The following OSBPL6 variants were observed in gnomAD, a reference collection of about 807,000 sequenced individuals.
The protein encoded by OSBPL6 is oxysterol binding protein like 6, also known as oxysterol-binding protein-related protein 6.
OSBPL6 carries 49 observed loss-of-function variants against 125.8 expected under a neutral mutation model. The observed-to-expected ratio is 0.39, with a 90% CI of 0.31 to 0.49. OSBPL6 has a LOEUF of 0.49. Ranked by LOEUF, OSBPL6 falls within the 20% of genes least tolerant of loss-of-function variation. The pLI is 0.88. For synonymous variants in OSBPL6, 394 were observed against 391.8 expected, an observed-to-expected ratio of 1.01 and a Z score of -0.07; for missense variants, 986 against 1,135.4, an observed-to-expected ratio of 0.87 and a Z score of 1.89.
intron 3 of OSBPL6, 28 bp downstream of exon 3, chr2:178,306,314 G>T: frequency 7.2e-7 from 1 of 1,383,900 alleles, no homozygotes. Context: ...AGTGCCTTTG[G>T]TTGTTTTATG....
intron 5 of OSBPL6, 135 bp downstream of exon 5, chr2:178,328,513 A>G (rs1179130747): frequency 1.9e-6 from 2 of 1,046,732 alleles, no homozygotes; most frequent in Non-Finnish European, 2.7e-6. Flanking sequence ...TTTGAGACAG[A>G]TTCTCACTCT....
At chr2:178,317,296 C>T (rs185270095) in intron 3 of OSBPL6, among the ~76,000 whole-genome samples, 1 of 150,802 alleles carries the variant, frequency 6.6e-6, no homozygotes, top group African/African-American at 2.4e-5. Context: ...GATATTATGC[C>T]ACATAGGAAG....
chr2:178,255,532 A>G (rs892896576), intron 1 of OSBPL6, among the ~76,000 whole-genome samples: 4 of 152,168 alleles, frequency 2.6e-5, no homozygotes, highest in Admixed American at 2.6e-4. Flanking sequence ...GACACAGCCA[A>G]ACCATATCAG....
intron 1 of OSBPL6, among the ~76,000 whole-genome samples, chr2:178,251,750 T>C (rs1197064062): frequency 6.6e-6 from 1 of 152,226 alleles, no homozygotes; most frequent in Admixed American, 6.5e-5. Context: ...ACAGTGACAG[T>C]TACCTCATAG....
intron 2 of OSBPL6, among the ~76,000 whole-genome samples, chr2:178,292,531 G>A (rs145370071): frequency 3.3e-5 from 5 of 152,250 alleles, no homozygotes; most frequent in East Asian, 3.9e-4. Context: ...AAGGTTTAAC[G>A]TTTTAGAACT....
chr2:178,388,660 A>T (rs1296001671), intron 20 of OSBPL6, among the ~76,000 whole-genome samples: 3 of 152,206 alleles, frequency 2.0e-5, no homozygotes, highest in African/African-American at 7.2e-5. Flanking sequence ...CGTTCCAGGT[A>T]GATTGAAGGA....
At chr2:178,345,931 G>A (rs1333140586) in intron 11 of OSBPL6, among the ~76,000 whole-genome samples, 2 of 152,140 alleles carry the variant, frequency 1.3e-5, no homozygotes, top group African/African-American at 2.4e-5. Flanking sequence ...AAGAGAAAAA[G>A]CCTTTAAAAG....
chr2:178,280,330 A>G (rs890173181), intron 1 of OSBPL6, among the ~76,000 whole-genome samples: 1 of 152,250 alleles, frequency 6.6e-6, no homozygotes, highest in African/African-American at 2.4e-5. Context: ...GTATGTCCTA[A>G]TCAAGCTTTT....
At chr2:178,274,634 A>G (rs1197720594) in intron 1 of OSBPL6, among the ~76,000 whole-genome samples, 1 of 152,160 alleles carries the variant, frequency 6.6e-6, no homozygotes, top group East Asian at 1.9e-4. Flanking sequence ...ATCCAGGGAC[A>G]CCAGTAAGGG....
chr2:178,359,055 A>G (rs1332696388), intron 12 of OSBPL6, among the ~76,000 whole-genome samples: 1 of 152,174 alleles, frequency 6.6e-6, no homozygotes. Context: ...GTGTGCCTGT[A>G]GTCCTAGCTA....
intron 3 of OSBPL6, among the ~76,000 whole-genome samples, chr2:178,310,377 A>G (rs1342283942): frequency 1.3e-5 from 2 of 151,708 alleles, no homozygotes; most frequent in African/African-American, 4.8e-5. Flanking sequence ...GATTTTAAGA[A>G]AGCACCTTAA....
At chr2:178,324,996 C>A (rs1688572319) in intron 4 of OSBPL6, among the ~76,000 whole-genome samples, 1 of 152,196 alleles carries the variant, frequency 6.6e-6, no homozygotes, top group South Asian at 2.1e-4. Flanking sequence ...GAGAACACTG[C>A]AGATTATTTA....
intron 22 of OSBPL6, 88 bp downstream of exon 22, chr2:178,391,305 A>G: frequency 1.5e-6 from 2 of 1,360,468 alleles, no homozygotes; most frequent in South Asian, 1.8e-5. Flanking sequence ...TGCAACTCAC[A>G]TTATGTTTCC....
chr2:178,358,969 A>G (rs1193631504), intron 12 of OSBPL6, among the ~76,000 whole-genome samples: 2 of 152,162 alleles, frequency 1.3e-5, no homozygotes, highest in African/African-American at 4.8e-5. Context: ...CAGGAATTCG[A>G]GACAAGCATG....
chr2:178,392,202 TTAAA>T (rs1695465696), intron 22 of OSBPL6, among the ~76,000 whole-genome samples: 1 of 152,212 alleles, frequency 6.6e-6, no homozygotes, highest in Non-Finnish European at 1.5e-5. Context: ...CAGGATTGTA[TTAAA>T]TATATGAATC....
intron 19 of OSBPL6, among the ~76,000 whole-genome samples, chr2:178,386,353 G>A (rs1439701843): frequency 6.6e-6 from 1 of 152,144 alleles, no homozygotes; most frequent in Non-Finnish European, 1.5e-5. Context: ...GTTTCCATAC[G>A]TAAAACATAA....
At chr2:178,266,996 C>T (rs911311969) in intron 1 of OSBPL6, among the ~76,000 whole-genome samples, 1 of 152,098 alleles carries the variant, frequency 6.6e-6, no homozygotes, top group South Asian at 2.1e-4. Flanking sequence ...TCTTGAGCAG[C>T]ATGGGGAGGA....
chr2:178,194,135 TGC>T (rs2088688761), upstream of OSBPL6, among the ~76,000 whole-genome samples: 1 of 152,174 alleles, frequency 6.6e-6, no homozygotes, highest in Non-Finnish European at 1.5e-5. Context: ...TCCGCCGGAC[TGC>T]GCGGGGCGAG....
At chr2:178,199,584 GT>G (rs796140256) in intron 1 of OSBPL6, among the ~76,000 whole-genome samples, 1,680 of 130,436 alleles carry the variant, frequency 0.013, 19 homozygotes, top group African/African-American at 0.036. Flanking sequence ...ACCATTAAGG[GT>G]TTTTTTTTTT....
Sources: allele counts gnomAD v4.1 joint callset (sites outside exome capture counted in the v4.1 genomes callset), GRCh38; gene constraint gnomAD v4.1.1; transcripts MANE v1.5; gene names NCBI Gene and HGNC (gene_info 2026-07-23, HGNC 2026-07-21).